ZNF407: variants seen among roughly 807,000 people sequenced by gnomAD.
ZNF407 encodes zinc finger protein 407.
Under a neutral mutation model 131.2 loss-of-function variants are expected in ZNF407, and 17 were observed. That is an observed-to-expected ratio of 0.13 (90% CI 0.09 to 0.19). The LOEUF (loss-of-function observed/expected upper bound fraction) is 0.19. Among genes scored for constraint, ZNF407 ranks in the 10% least tolerant of loss-of-function variants. The pLI is 1.00. For synonymous variants in ZNF407, 1,156 were observed against 1,062.0 expected, an observed-to-expected ratio of 1.09 and a Z score of -1.72; for missense variants, 2,681 against 2,830.6, an observed-to-expected ratio of 0.95 and a Z score of 1.20.
chr18:74,845,175 G>A (rs1016260855), intron 4 of ZNF407, among the ~76,000 whole-genome samples: 3 of 152,142 alleles, frequency 2.0e-5, no homozygotes, highest in African/African-American at 4.8e-5. Flanking sequence ...TTTCTTCATC[G>A]TAAATTAAAA....
At chr18:74,879,247 G>A (rs896176593) in intron 5 of ZNF407, among the ~76,000 whole-genome samples, 1 of 152,094 alleles carries the variant, frequency 6.6e-6, no homozygotes, top group Admixed American at 6.5e-5. Flanking sequence ...ATGACAGAAA[G>A]GAAGAATACT....
intron 7 of ZNF407, among the ~76,000 whole-genome samples, chr18:74,913,647 T>G (rs1971705626): frequency 6.6e-6 from 1 of 152,192 alleles, no homozygotes; most frequent in Non-Finnish European, 1.5e-5. Flanking sequence ...CAGGGTACAG[T>G]GGAGACAGTG....
At position 74,954,528 on chromosome 18, in the gene ZNF407, A is replaced by C. The variant is rs577990244; in HGVS notation, c.5428+33836A>C. 4.6e-5 allele frequency among the ~76,000 whole-genome samples: 7 copies of C among 152,346 alleles called. 1 individual carries two copies. In the South Asian group the frequency reaches 1.4e-3, roughly 32 times the overall value. On this transcript the variant is annotated intron_variant, in intron 8 of 8. Transcript: ENST00000299687. ...AATCAGTCCTTTAAGAAAGACTGGCATTATAATCATGCAATAATTATTAAT... is the reference window on the plus strand; with the variant it reads ...AATCAGTCCTTTAAGAAAGACTGGCCTTATAATCATGCAATAATTATTAAT...
At chr18:74,658,574 A>G (rs574604195) in intron 3 of ZNF407, among the ~76,000 whole-genome samples, 1 of 152,332 alleles carries the variant, frequency 6.6e-6, no homozygotes, top group East Asian at 1.9e-4. Flanking sequence ...TTTAAAATAA[A>G]GAAAAACTGT....
intron 4 of ZNF407, among the ~76,000 whole-genome samples, chr18:74,848,842 G>C (rs1338139524): frequency 6.6e-6 from 1 of 152,104 alleles, no homozygotes; most frequent in African/African-American, 2.4e-5. Flanking sequence ...TTCATAAGCT[G>C]TGTCCCTGGG....
intron 7 of ZNF407, among the ~76,000 whole-genome samples, chr18:74,910,429 C>T (rs996196246): frequency 2.0e-5 from 3 of 151,902 alleles, no homozygotes; most frequent in African/African-American, 4.8e-5. Flanking sequence ...TTTTTTGACC[C>T]TTTTAGAAAA....
chr18:74,798,209 A>AACACACACAC (rs35388545), intron 4 of ZNF407, among the ~76,000 whole-genome samples: 10,412 of 147,848 alleles, frequency 0.07, 442 homozygotes, highest in Non-Finnish European at 0.087. Context: ...CCTTTACACA[A>AACACACACAC]ACACACACAC....
At chr18:74,640,981 A>G (rs1212502364) in intron 2 of ZNF407, 27 bp from the exon 3 acceptor site, 1 of 1,535,104 alleles carries the variant, frequency 6.5e-7, no homozygotes, top group Non-Finnish European at 9.0e-7. Context: ...TCAAAATCAA[A>G]TCATATTTTA....
intron 4 of ZNF407, among the ~76,000 whole-genome samples, chr18:74,815,638 T>G (rs890541331): frequency 3.3e-5 from 5 of 152,208 alleles, no homozygotes; most frequent in Non-Finnish European, 7.3e-5. Context: ...CCATTGATTT[T>G]CCATTATTAT....
At chr18:75,027,995 C>G (rs1904667604) in intron 8 of ZNF407, among the ~76,000 whole-genome samples, 1 of 152,206 alleles carries the variant, frequency 6.6e-6, no homozygotes. Context: ...GCAGTGGTAG[C>G]AGAGACGTGA....
At chr18:74,600,007 A>G (rs1568309153) in intron 1 of ZNF407, among the ~76,000 whole-genome samples, 2 of 152,342 alleles carry the variant, frequency 1.3e-5, no homozygotes, top group East Asian at 1.9e-4. Context: ...TTCAGGAAAC[A>G]TTTACCGCAT....
intron 8 of ZNF407, among the ~76,000 whole-genome samples, chr18:74,970,230 T>C (rs1471404666): frequency 6.6e-6 from 1 of 151,916 alleles, no homozygotes; most frequent in African/African-American, 2.4e-5. Context: ...AGTTAAGATT[T>C]GGATGGGGAC....
intron 4 of ZNF407, among the ~76,000 whole-genome samples, chr18:74,835,629 G>GTGTGTGTGTGT (rs1555693408): frequency 1.1e-5 from 1 of 92,144 alleles, no homozygotes; most frequent in Non-Finnish European, 2.2e-5. Context: ...GACAGAGGGG[G>GTGTGTGTGTGT]GTGTGTGTGT....
At chr18:74,764,003 G>A (rs1212503054) in intron 3 of ZNF407, among the ~76,000 whole-genome samples, 2 of 151,824 alleles carry the variant, frequency 1.3e-5, no homozygotes, top group Non-Finnish European at 2.9e-5. Flanking sequence ...GTGAGCCACC[G>A]CGCCCGGCCA....
chr18:74,622,616 T>C (rs1250399106), intron 1 of ZNF407, among the ~76,000 whole-genome samples: 1 of 152,224 alleles, frequency 6.6e-6, no homozygotes, highest in Non-Finnish European at 1.5e-5. Flanking sequence ...ACTGTGGGCC[T>C]GGTGACAATG....
At chr18:74,608,351 A>ATTTTTT (rs962858805) in intron 1 of ZNF407, among the ~76,000 whole-genome samples, 1 of 132,544 alleles carries the variant, frequency 7.5e-6, no homozygotes, top group Non-Finnish European at 1.7e-5. Context: ...GTTCTTTTAG[A>ATTTTTT]TTTCTTTTTT....
At chr18:74,932,107 CTAACT>C (rs1193379652) in intron 8 of ZNF407, among the ~76,000 whole-genome samples, 2 of 152,202 alleles carry the variant, frequency 1.3e-5, no homozygotes, top group East Asian at 1.9e-4. Flanking sequence ...AGCTAGTTGC[CTAACT>C]TGAGTTACAA....
Position 74,630,971 on chromosome 18 carries a change from T to C in ZNF407, c.-49T>C. On this transcript the variant is annotated 5_prime_UTR_variant, in exon 2 of 9. An upstream start codon of the reference 5' UTR is lost. Transcript: ENST00000299687. ...CCATGTTTGTTTACTTCACAGGTTATGAGTGCCAGTGAGCCGCCTTAGATA... is the reference window on the plus strand; with the variant it reads ...CCATGTTTGTTTACTTCACAGGTTACGAGTGCCAGTGAGCCGCCTTAGATA... 6.5e-7 allele frequency: 1 copy of C among 1,537,952 alleles called. No homozygotes were observed. Among genetic ancestry groups the C allele is most frequent in the Non-Finnish European group, 8.7e-7 (1 of 1,149,864 alleles).
intron 3 of ZNF407, among the ~76,000 whole-genome samples, chr18:74,659,706 A>C (rs1016060125): frequency 5.9e-5 from 9 of 152,158 alleles, no homozygotes; most frequent in Admixed American, 5.9e-4. Flanking sequence ...GCGGCAAAGT[A>C]AATGGGGCAG....
Sources: gnomAD v4.1 joint callset for allele counts (sites outside exome capture counted in the v4.1 genomes callset) on GRCh38, gnomAD v4.1.1 for gene constraint, MANE v1.5 for transcripts, NCBI Gene and HGNC (gene_info 2026-07-23, HGNC 2026-07-21) for gene names.